The following FIGN variants were observed in gnomAD, a reference collection of about 807,000 sequenced individuals.
FIGN encodes the protein fidgetin.
A neutral mutation model predicts 51.3 loss-of-function variants in FIGN; 11 were observed. The ratio of observed to expected loss-of-function variants is 0.21; its 90% CI spans 0.13 to 0.35. The LOEUF is 0.35. Among genes scored for constraint, FIGN ranks in the 10% least tolerant of loss-of-function variants. FIGN has a pLI of 1.00. For missense variants in FIGN, 857 were observed against 943.6 expected (o/e 0.91, Z 1.20); for synonymous variants, 407 against 363.2 (o/e 1.12, Z -1.37).
At chr2:163,728,741 C>T (rs779827880) in intron 2 of FIGN, among the ~76,000 whole-genome samples, 58 of 152,102 alleles carry the variant, frequency 3.8e-4, no homozygotes, top group Non-Finnish European at 3.1e-4. Flanking sequence ...GGCTTCATTG[C>T]CCCATCATTT....
intron 2 of FIGN, among the ~76,000 whole-genome samples, chr2:163,709,534 A>C (rs1021784613): frequency 1.3e-5 from 2 of 152,128 alleles, no homozygotes; most frequent in African/African-American, 4.8e-5. Context: ...AGGTTTGGAA[A>C]TATCTAGACT....
chr2:163,702,882 A>C (rs1309465952), intron 2 of FIGN, among the ~76,000 whole-genome samples: 1 of 152,110 alleles, frequency 6.6e-6, no homozygotes, highest in Non-Finnish European at 1.5e-5. Context: ...AAGAGTACCA[A>C]TTATCCCAGT....
intron 2 of FIGN, among the ~76,000 whole-genome samples, chr2:163,722,499 T>G (rs1684773617): frequency 6.6e-6 from 1 of 152,180 alleles, no homozygotes; most frequent in South Asian, 2.1e-4. Context: ...GTCTAATATT[T>G]TATGATTTCT....
chr2:163,611,159 G>A lies in FIGN; in HGVS notation c.673C>T (p.Pro225Ser). The A allele has an allele frequency of 1.2e-6, 2 of 1,614,158 alleles. No homozygotes were observed. The highest frequency in any genetic ancestry group is 2.2e-5 in the South Asian group (2 of 91,086). ...HSSGLLQPPP[P>S]PPPPPALVPG... ...ACCAAGGCTGGTGGCGGAGGAGGTG[G>A]TGGTGGGGGCTGTAGTAGCCCAGAG... Residue 225 changes from proline to serine, a missense_variant, in exon 3 of 3, where the codon CCA becomes TCA. This residue lies in a region of FIGN where 799 missense variants were observed against 849.5 expected (regional missense o/e 0.94). Coordinates refer to ENST00000333129, the MANE Select transcript of FIGN (RefSeq NM_018086.4).
Position 163,604,161 on chromosome 2 carries a change from A to C in FIGN, c.*5391T>G, listed in dbSNP as rs1435840195. 1 of 152,114 alleles carries C rather than the reference A, an allele frequency of 6.6e-6. No individual in the cohort carries two copies. The highest frequency in any genetic ancestry group is 1.5e-5 in the Non-Finnish European group (1 of 67,978). The allele number at this position is 152,114 out of a possible 1,614,324, so 9.4% of individuals were successfully genotyped here. On this transcript the variant is annotated 3_prime_UTR_variant, in exon 3 of 3. Transcript: ENST00000333129. ...AAGGCATTTTCAATCACTGAAGACT[A>C]TAGTTGAAAATAGTTAAGTACCATT...
chr2:163,669,222 T>C (rs1041311764), intron 2 of FIGN, among the ~76,000 whole-genome samples: 1 of 152,066 alleles, frequency 6.6e-6, no homozygotes, highest in East Asian at 1.9e-4. Flanking sequence ...AGCGTTTTGT[T>C]TTGTTTAAGA....
chr2:163,658,366 TCTCTCTCTCTC>T, intron 2 of FIGN, among the ~76,000 whole-genome samples: 1 of 2,590 alleles, frequency 3.9e-4, no homozygotes, highest in Non-Finnish European at 5.6e-3. Flanking sequence ...AAGAAACAGC[TCTCTCTCTCTC>T]TCTCTCTCTC....
chr2:163,603,740 C>T lies in FIGN; in HGVS notation c.*5812G>A, dbSNP rs1691025783. On this transcript the variant is annotated 3_prime_UTR_variant, in exon 3 of 3. Coordinates refer to ENST00000333129, the MANE Select transcript of FIGN (RefSeq NM_018086.4). The stretch of plus-strand genomic sequence containing the variant: ...GCTTTTGTAAAATATCCACAATTTG[C>T]TGACAAGCAACTTCAAAAGTCCATT... 6.6e-6 allele frequency: 1 copy of T among 152,100 alleles called. No individual in the cohort carries two copies. The highest frequency in any genetic ancestry group is 1.5e-5 in the Non-Finnish European group (1 of 67,982). 9.4% of individuals were successfully genotyped at this position (152,100 alleles called of 1,614,324 possible). A position where few individuals can be genotyped will look rare whatever the true frequency, so the allele number is the denominator to read the frequency against.
intron 2 of FIGN, among the ~76,000 whole-genome samples, chr2:163,698,217 C>G (rs1684354253): frequency 6.6e-6 from 1 of 152,108 alleles, no homozygotes; most frequent in Non-Finnish European, 1.5e-5. Flanking sequence ...TAATGTTATT[C>G]TCTGCCTCTC....
chr2:163,710,899 T>C (rs755303426), intron 2 of FIGN, among the ~76,000 whole-genome samples: 2 of 152,194 alleles, frequency 1.3e-5, no homozygotes, highest in South Asian at 2.1e-4. Context: ...ACAGAGTCAG[T>C]GTTCACCTGT....
intron 2 of FIGN, among the ~76,000 whole-genome samples, chr2:163,696,934 G>C (rs1480180894): frequency 1.3e-5 from 2 of 150,848 alleles, no homozygotes; most frequent in Non-Finnish European, 2.9e-5. Flanking sequence ...GTTCCCTAAA[G>C]TGCTAATATT....
intron 2 of FIGN, among the ~76,000 whole-genome samples, chr2:163,686,430 T>C (rs1350241306): frequency 2.6e-5 from 4 of 152,166 alleles, no homozygotes; most frequent in Non-Finnish European, 5.9e-5. Flanking sequence ...TAAAAACTCT[T>C]CAAGTACAAT....
At chr2:163,707,263 C>T (rs1256667483) in intron 2 of FIGN, among the ~76,000 whole-genome samples, 4 of 151,876 alleles carry the variant, frequency 2.6e-5, no homozygotes, top group African/African-American at 2.4e-5. Context: ...GCATGAGAAT[C>T]GTTTGAATCC....
chr2:163,644,795 T>C (rs1683357735), intron 2 of FIGN, among the ~76,000 whole-genome samples: 1 of 152,084 alleles, frequency 6.6e-6, no homozygotes, highest in African/African-American at 2.4e-5. Flanking sequence ...CTTTGAAAAA[T>C]TATGCTAAGT....
At chr2:163,615,095 T>C (rs746851072) in intron 2 of FIGN, among the ~76,000 whole-genome samples, 2 of 152,194 alleles carry the variant, frequency 1.3e-5, no homozygotes, top group Non-Finnish European at 2.9e-5. Context: ...GAACAATTAC[T>C]GGATACACCA....
intron 2 of FIGN, among the ~76,000 whole-genome samples, chr2:163,642,923 G>A (rs368123881): frequency 1.3e-5 from 2 of 152,122 alleles, no homozygotes; most frequent in Non-Finnish European, 1.5e-5. Flanking sequence ...CATGCTCCTG[G>A]ATTGAAAGAC....
intron 2 of FIGN, among the ~76,000 whole-genome samples, chr2:163,725,060 C>T (rs1251630401): frequency 6.6e-6 from 1 of 152,030 alleles, no homozygotes; most frequent in Admixed American, 6.6e-5. Flanking sequence ...ACTTGTGCCT[C>T]CTTCCCCTAT....
intron 2 of FIGN, among the ~76,000 whole-genome samples, chr2:163,679,813 A>G (rs1016287987): frequency 6.6e-6 from 1 of 152,184 alleles, no homozygotes; most frequent in Non-Finnish European, 1.5e-5. Flanking sequence ...CAGTTTCTAC[A>G]TCTAGTGAAA....
chr2:163,730,772 G>A (rs1056375876), intron 2 of FIGN, among the ~76,000 whole-genome samples: 6 of 151,994 alleles, frequency 3.9e-5, no homozygotes, highest in South Asian at 2.1e-4. Context: ...AAGTTCTATC[G>A]ATCAGTAGCA....
Sources: gnomAD v4.1 joint callset for allele counts (sites outside exome capture counted in the v4.1 genomes callset) on GRCh38, gnomAD v4.1.1 for gene constraint, gnomAD v4.1.1 regional missense constraint, MANE v1.5 for transcripts, NCBI Gene and HGNC (gene_info 2026-07-23, HGNC 2026-07-21) for gene names.